The following UBE2D2 variants were observed in gnomAD, a reference collection of about 807,000 sequenced individuals.
UBE2D2 encodes the protein ubiquitin conjugating enzyme E2 D2.
A neutral mutation model predicts 24.2 loss-of-function variants in UBE2D2; 2 were observed. The ratio of observed to expected loss-of-function variants is 0.08; its 90% confidence interval spans 0.03 to 0.26. The LOEUF is 0.26. Ranked by LOEUF, UBE2D2 falls within the 10% of genes least tolerant of loss-of-function variation. The probability of loss-of-function intolerance (pLI) is 1.00; values close to 1 mark genes in which losing one functional copy is unlikely to be tolerated. For missense variants in UBE2D2, 44 were observed against 177.6 expected (o/e 0.25, Z 4.28); for synonymous variants, 58 against 56.5 (o/e 1.03, Z -0.12).
chr5:139,602,020 G>A (rs560741974), intron 2 of UBE2D2, among the ~76,000 whole-genome samples: 1 of 152,046 alleles, frequency 6.6e-6, no homozygotes. Flanking sequence ...TGAGTACATG[G>A]TTAAATTAGC....
At chr5:139,530,957 T>A (rs1245285333) in intron 1 of UBE2D2, among the ~76,000 whole-genome samples, 1 of 152,178 alleles carries the variant, frequency 6.6e-6, no homozygotes, top group Non-Finnish European at 1.5e-5. Context: ...CCACCTTAGT[T>A]CACAAAAATG....
At chr5:139,552,991 G>C (rs1028500852) in intron 1 of UBE2D2, among the ~76,000 whole-genome samples, 11 of 151,146 alleles carry the variant, frequency 7.3e-5, no homozygotes, top group African/African-American at 2.4e-4. Flanking sequence ...CTCTAATTTT[G>C]TATTTTTAGT....
At chr5:139,566,957 G>A (rs746755490) in intron 1 of UBE2D2, among the ~76,000 whole-genome samples, 27 of 151,600 alleles carry the variant, frequency 1.8e-4, no homozygotes, top group African/African-American at 6.3e-4. Context: ...ATTTTTGGTC[G>A]ACATCAGTTT....
chr5:139,526,268 C>T (rs1172707864), upstream of UBE2D2, among the ~76,000 whole-genome samples: 2 of 152,194 alleles, frequency 1.3e-5, no homozygotes, highest in East Asian at 3.9e-4. Context: ...AGTAGCTTGC[C>T]GATGACCCCA....
At chr5:139,585,491 G>C (rs939009679) in intron 1 of UBE2D2, among the ~76,000 whole-genome samples, 8 of 152,064 alleles carry the variant, frequency 5.3e-5, no homozygotes, top group Admixed American at 4.6e-4. Context: ...GCCTCTCAAA[G>C]TGCTGGGATT....
At chr5:139,568,773 C>T (rs1021532069) in intron 1 of UBE2D2, among the ~76,000 whole-genome samples, 9 of 152,234 alleles carry the variant, frequency 5.9e-5, no homozygotes, top group Admixed American at 5.2e-4. Flanking sequence ...GAGTTCAATA[C>T]CAGCCTAGTC....
upstream of UBE2D2, among the ~76,000 whole-genome samples, chr5:139,560,258 C>T (rs1406556176): frequency 6.7e-6 from 1 of 148,280 alleles, no homozygotes. Context: ...AGTGAACTGG[C>T]GTGATCTCGG....
At chr5:139,531,240 T>C (rs1225031157) in intron 1 of UBE2D2, among the ~76,000 whole-genome samples, 2 of 152,148 alleles carry the variant, frequency 1.3e-5, no homozygotes, top group Admixed American at 1.3e-4. Flanking sequence ...AACCCAGTAG[T>C]TAAAAATCAA....
chr5:139,567,489 G>A (rs761976857), intron 1 of UBE2D2, among the ~76,000 whole-genome samples: 24 of 150,122 alleles, frequency 1.6e-4, no homozygotes, highest in Non-Finnish European at 2.8e-4. Context: ...AGAGTGCTGG[G>A]ATTACAGGGA....
At chr5:139,559,287 C>T (rs573131972), upstream of UBE2D2, among the ~76,000 whole-genome samples, 34 of 152,066 alleles carry the variant, frequency 2.2e-4, no homozygotes, top group Middle Eastern at 6.8e-3. Context: ...ATTACCCGGG[C>T]GTGCTTGCAG....
chr5:139,563,764 C>G (rs748230354), intron 1 of UBE2D2, among the ~76,000 whole-genome samples: 10 of 152,042 alleles, frequency 6.6e-5, no homozygotes, highest in Non-Finnish European at 1.5e-4. Context: ...AACCCCGTCT[C>G]TGCTAAAATA....
intron 1 of UBE2D2, among the ~76,000 whole-genome samples, chr5:139,539,356 T>C (rs1752727320): frequency 6.6e-6 from 1 of 152,076 alleles, no homozygotes; most frequent in Non-Finnish European, 1.5e-5. Context: ...ACATACTATA[T>C]GATTCCATTT....
intron 2 of UBE2D2, among the ~76,000 whole-genome samples, chr5:139,610,818 T>C (rs1450772423): frequency 6.6e-6 from 1 of 151,966 alleles, no homozygotes; most frequent in Non-Finnish European, 1.5e-5. Flanking sequence ...CGCCCTTTAC[T>C]CCAGTCTGGG....
intron 5 of UBE2D2, among the ~76,000 whole-genome samples, chr5:139,621,671 G>A (rs909112552): frequency 6.6e-6 from 1 of 151,096 alleles, no homozygotes; most frequent in Non-Finnish European, 1.5e-5. Context: ...CACCCAGATT[G>A]GAGTGCAGTG....
intron 1 of UBE2D2, among the ~76,000 whole-genome samples, chr5:139,585,544 C>T (rs893502666): frequency 9.9e-5 from 15 of 151,942 alleles, no homozygotes; most frequent in African/African-American, 3.1e-4. Context: ...CTTTCTGTTT[C>T]CTGCCGCTAT....
chr5:139,548,169 AAAAAAAAAAAAAAAT>A (rs1752857784), intron 1 of UBE2D2, among the ~76,000 whole-genome samples: 4 of 38,734 alleles, frequency 1.0e-4, no homozygotes, highest in Admixed American at 4.9e-4. Context: ...GTCTCAAAAA[AAAAAAAAAAAAAAAT>A]AAAAAAAAAA....
chr5:139,576,264 A>G (rs1467073735), intron 1 of UBE2D2, among the ~76,000 whole-genome samples: 2 of 152,214 alleles, frequency 1.3e-5, no homozygotes, highest in Non-Finnish European at 2.9e-5. Context: ...GTCTAAAGTC[A>G]GTCTGTCTTC....
chr5:139,548,917 C>G (rs761538040), intron 1 of UBE2D2, among the ~76,000 whole-genome samples: 4 of 151,458 alleles, frequency 2.6e-5, no homozygotes, highest in Non-Finnish European at 5.9e-5. Flanking sequence ...GGTGCGATCT[C>G]AGCTCACTGC....
chr5:139,573,978 A>G (rs962428122), intron 1 of UBE2D2, among the ~76,000 whole-genome samples: 1 of 152,044 alleles, frequency 6.6e-6, no homozygotes, highest in African/African-American at 2.4e-5. Flanking sequence ...CTAAATAAAT[A>G]AATAAATAAA....
Sources: gnomAD v4.1 joint callset for allele counts (sites outside exome capture counted in the v4.1 genomes callset) on GRCh38, gnomAD v4.1.1 for gene constraint, MANE v1.5 for transcripts, NCBI Gene and HGNC (gene_info 2026-07-23, HGNC 2026-07-21) for gene names.